ART3: variants seen among roughly 807,000 people sequenced by gnomAD.
ART3 encodes the protein ADP-ribosyltransferase 3 (inactive).
A neutral mutation model predicts 48.5 loss-of-function variants in ART3; 49 were observed. The observed-to-expected ratio is 1.01, with a 90% CI of 0.80 to 1.28. The LOEUF (loss-of-function observed/expected upper bound fraction) is 1.28, where lower values mean the gene tolerates loss of function less well. ART3 is among the 50% of genes most tolerant of loss of function. The pLI is 0.00. For synonymous variants in ART3, 145 were observed against 157.2 expected (o/e 0.92, Z 0.58); for missense variants, 438 against 454.3 (o/e 0.96, Z 0.33).
At chr4:76,025,064 A>T (rs1733250961) in intron 1 of ART3, among the ~76,000 whole-genome samples, 1 of 152,204 alleles carries the variant, frequency 6.6e-6, no homozygotes, top group Non-Finnish European at 1.5e-5. Flanking sequence ...TGAATAAGTC[A>T]GTGGAATTAG....
At chr4:76,025,441 C>T (rs971390105) in intron 1 of ART3, among the ~76,000 whole-genome samples, 7 of 152,174 alleles carry the variant, frequency 4.6e-5, no homozygotes, top group Middle Eastern at 3.2e-3. Flanking sequence ...GACTAAAAAT[C>T]TGTTATTAGG....
At chr4:76,060,305 C>T (rs541855666) in intron 1 of ART3, among the ~76,000 whole-genome samples, 2 of 151,370 alleles carry the variant, frequency 1.3e-5, no homozygotes, top group South Asian at 4.2e-4. Context: ...TAATATATAA[C>T]CAAGCCCAAA....
rs561859815 is a variant in ART3, at chr4:76,051,929, G to A, written c.-9-23952G>A. Among the ~76,000 whole-genome samples, 3 of 115,116 alleles carry A rather than the reference G, an allele frequency of 2.6e-5. No homozygotes were observed. The East Asian group carries it at 9.4e-4, about 36-fold the overall frequency. 75.5% of individuals were successfully genotyped at this position (115,116 alleles called of 152,430 possible). On this transcript the variant is annotated intron_variant, in intron 1 of 9. Coordinates refer to the ART3 transcript ENST00000341029. ...TTTTTTTTTTTTTTTTTGAGACAGA[G>A]TTTCGCTCTTGCTGCCCAGGCTGGA...
At chr4:76,012,758 G>A (rs1422092213) in intron 1 of ART3, among the ~76,000 whole-genome samples, 1 of 152,188 alleles carries the variant, frequency 6.6e-6, no homozygotes, top group Non-Finnish European at 1.5e-5. Context: ...AAGTCAGCTT[G>A]TAGTCTGAGG....
intron 1 of ART3, among the ~76,000 whole-genome samples, chr4:76,049,521 C>A (rs1376646323): frequency 6.6e-6 from 1 of 151,954 alleles, no homozygotes; most frequent in Admixed American, 6.6e-5. Flanking sequence ...ACGGTCCCAA[C>A]TCCAAAGAGT....
At chr4:76,030,307 C>T (rs1030435977) in intron 1 of ART3, among the ~76,000 whole-genome samples, 4 of 152,282 alleles carry the variant, frequency 2.6e-5, no homozygotes, top group Admixed American at 6.5e-5. Context: ...CCACCCGCCT[C>T]GGCCTCCCAA....
intron 11 of ART3, among the ~76,000 whole-genome samples, chr4:76,111,360 A>T (rs904772487): frequency 2.0e-5 from 3 of 152,150 alleles, no homozygotes; most frequent in African/African-American, 7.2e-5. Context: ...GAAAAAGTTG[A>T]ATTGCTTGAT....
intron 8 of ART3, among the ~76,000 whole-genome samples, 199 bp downstream of exon 8, chr4:76,101,218 CCTGT>C (rs1295984187): frequency 6.6e-6 from 1 of 152,308 alleles, no homozygotes; most frequent in East Asian, 1.9e-4. Context: ...CTCTGTTTCT[CCTGT>C]CTAACAATCT....
At chr4:76,047,332 A>C (rs1735605033) in intron 1 of ART3, among the ~76,000 whole-genome samples, 1 of 151,648 alleles carries the variant, frequency 6.6e-6, no homozygotes, top group Non-Finnish European at 1.5e-5. Flanking sequence ...CTTGGTCCCT[A>C]TTATAGGACA....
chr4:76,080,421 G>T (rs1722200415), intron 2 of ART3, among the ~76,000 whole-genome samples: 1 of 152,196 alleles, frequency 6.6e-6, no homozygotes, highest in African/African-American at 2.4e-5. Flanking sequence ...GCATGGGGCA[G>T]AGGGCTTTGC....
intron 1 of ART3, among the ~76,000 whole-genome samples, chr4:76,040,324 C>CA (rs1415210487): frequency 1.3e-5 from 2 of 151,670 alleles, no homozygotes; most frequent in African/African-American, 4.8e-5. Context: ...GACTCCGTCT[C>CA]AAAAAAACAA....
chr4:76,037,343 G>A (rs1020051466), intron 1 of ART3, among the ~76,000 whole-genome samples: 13 of 152,088 alleles, frequency 8.5e-5, no homozygotes, highest in Non-Finnish European at 1.6e-4. Context: ...TAATGGGTAA[G>A]CTTAATAAAA....
At chr4:76,063,783 C>G (rs10017484) in intron 1 of ART3, among the ~76,000 whole-genome samples, 2 of 151,822 alleles carry the variant, frequency 1.3e-5, no homozygotes, top group Non-Finnish European at 2.9e-5. Flanking sequence ...AATTTTGGCA[C>G]TAAACATTGA....
intron 11 of ART3, among the ~76,000 whole-genome samples, chr4:76,111,001 A>G (rs1197536167): frequency 2.0e-5 from 3 of 152,216 alleles, no homozygotes; most frequent in Admixed American, 6.5e-5. Flanking sequence ...ATTCAAAATC[A>G]AAAGAAACGT....
chr4:76,017,656 C>G (rs760386216), intron 1 of ART3, among the ~76,000 whole-genome samples: 2 of 152,184 alleles, frequency 1.3e-5, no homozygotes, highest in African/African-American at 2.4e-5. Flanking sequence ...AGCACTAGGA[C>G]TGCCTAGGAC....
At chr4:76,104,459 A>C (rs939358619) in intron 9 of ART3, 138 bp from the exon 10 acceptor site, 2 of 1,470,804 alleles carry the variant, frequency 1.4e-6, no homozygotes, top group Admixed American at 2.5e-5. Flanking sequence ...CGTAAGCAGA[A>C]CTTTTAAATA....
intron 2 of ART3, 42 bp from the exon 3 acceptor site, chr4:76,081,782 A>C: frequency 6.4e-7 from 1 of 1,554,096 alleles, no homozygotes; most frequent in Non-Finnish European, 8.8e-7. Context: ...ATATTCACTG[A>C]ATTTCTTATT....
rs140442749 is a variant in ART3, at chr4:76,112,394, C to G, written c.1045C>G (p.Pro349Ala). Residue 349 changes from proline to alanine, a missense_variant, in exon 12 of 12, where the codon CCA becomes GCA. Pro to Ala is a conservative substitution (Grantham distance 27). This residue lies in a region of ART3 where 227 missense variants were observed against 229.6 expected (regional missense o/e 0.99). Transcript: ENST00000355810. ...QGNINNPTPG[P>A]VPVPGPKSHP... is the part of the protein sequence containing the mutation. ...TGTATTCTTGTTAACAGCTCCAGGT[C>G]CAGTTCCTGTTCCAGGTCCCAAAAG... The G allele has an allele frequency of 6.2e-7, 1 of 1,613,680 alleles. No individual in the cohort carries two copies. Among genetic ancestry groups the G allele is most frequent in the Middle Eastern group, 1.7e-4 (1 of 6,058 alleles).
chr4:76,085,312 A>G (rs966103624), intron 3 of ART3, among the ~76,000 whole-genome samples: 1 of 152,192 alleles, frequency 6.6e-6, no homozygotes, highest in Non-Finnish European at 1.5e-5. Flanking sequence ...GTACTATGAG[A>G]TAAAAAAGGC....
Sources: gnomAD v4.1 joint callset for allele counts (sites outside exome capture counted in the v4.1 genomes callset) on GRCh38, gnomAD v4.1.1 for gene constraint, gnomAD v4.1.1 regional missense constraint, MANE v1.5 for transcripts, NCBI Gene and HGNC (gene_info 2026-07-23, HGNC 2026-07-21) for gene names.